LPGAT1: variants seen among roughly 807,000 people sequenced by gnomAD.
LPGAT1 encodes acyl-CoA:lysophosphatidylglycerol acyltransferase 1.
A neutral mutation model predicts 47.5 loss-of-function variants in LPGAT1; 11 were observed. That is an observed-to-expected ratio of 0.23 (90% CI 0.15 to 0.38). The LOEUF (loss-of-function observed/expected upper bound fraction) is 0.38. Ranked by LOEUF, LPGAT1 falls within the 10% of genes least tolerant of loss-of-function variation. LPGAT1 has a pLI of 1.00. For missense variants in LPGAT1, 293 were observed against 439.0 expected (o/e 0.67, Z 2.97); for synonymous variants, 138 against 144.2 (o/e 0.96, Z 0.31).
chr1:211,767,295 T>A (rs1163363691), intron 6 of LPGAT1, among the ~76,000 whole-genome samples: 1 of 152,148 alleles, frequency 6.6e-6, no homozygotes, highest in Non-Finnish European at 1.5e-5. Context: ...CATGTCACCA[T>A]GCCCAGCTAA....
At chr1:211,750,616 CATT>C (rs1657138124) in intron 7 of LPGAT1, among the ~76,000 whole-genome samples, 1 of 152,102 alleles carries the variant, frequency 6.6e-6, no homozygotes, top group Non-Finnish European at 1.5e-5. Context: ...ATAACACTGA[CATT>C]ATTTTTAAAA....
At chr1:211,782,377 G>A (rs73086199) in intron 5 of LPGAT1, among the ~76,000 whole-genome samples, 3,679 of 152,236 alleles carry the variant, frequency 0.024, 146 homozygotes, top group African/African-American at 0.083. Flanking sequence ...GAATAACTGA[G>A]TCATTTATTA....
At chr1:211,819,860 C>T (rs1353385475) in intron 2 of LPGAT1, among the ~76,000 whole-genome samples, 2 of 152,164 alleles carry the variant, frequency 1.3e-5, no homozygotes, top group Middle Eastern at 3.4e-3. Flanking sequence ...TGGCAGACGC[C>T]TGTACTGCCA....
chr1:211,829,439 G>T (rs1660648475), intron 1 of LPGAT1, 116 bp from the exon 2 acceptor site: 8 of 1,476,938 alleles, frequency 5.4e-6, no homozygotes, highest in South Asian at 4.2e-5. Flanking sequence ...GAAGCTTTCC[G>T]GGTGTAGTAC....
chr1:211,773,453 C>T (rs1658259950), intron 6 of LPGAT1, among the ~76,000 whole-genome samples: 1 of 152,124 alleles, frequency 6.6e-6, no homozygotes, highest in African/African-American at 2.4e-5. Flanking sequence ...TGCCTTCTCC[C>T]AAGTAACCAA....
At chr1:211,785,302 G>A (rs762890829) in intron 4 of LPGAT1, among the ~76,000 whole-genome samples, 1 of 152,106 alleles carries the variant, frequency 6.6e-6, no homozygotes, top group Non-Finnish European at 1.5e-5. Context: ...AAGATTATAC[G>A]TAAAATATTT....
intron 6 of LPGAT1, among the ~76,000 whole-genome samples, chr1:211,778,508 C>T (rs1658508803): frequency 6.6e-6 from 1 of 152,164 alleles, no homozygotes; most frequent in Admixed American, 6.5e-5. Context: ...TCCTAATAAA[C>T]TTGCTTTCAC....
chr1:211,809,481 G>A (rs775301785), intron 2 of LPGAT1, among the ~76,000 whole-genome samples: 39 of 151,964 alleles, frequency 2.6e-4, no homozygotes, highest in Non-Finnish European at 2.4e-4. Context: ...TAGCAGTATC[G>A]GCCTTAGATT....
At chr1:211,762,268 G>C (rs188478645) in intron 6 of LPGAT1, among the ~76,000 whole-genome samples, 1 of 152,290 alleles carries the variant, frequency 6.6e-6, no homozygotes, top group East Asian at 1.9e-4. Flanking sequence ...GAATTAAACC[G>C]AGGAAGTTTG....
chr1:211,781,705 G>C (rs1658651447), intron 5 of LPGAT1, among the ~76,000 whole-genome samples: 1 of 152,104 alleles, frequency 6.6e-6, no homozygotes, highest in South Asian at 2.1e-4. Flanking sequence ...TTTATTTAAA[G>C]AATATGAATA....
In LPGAT1 at chr1:211,782,218, T is replaced by C. The variant is rs1343826433; in HGVS notation, c.727+1011A>G. On this transcript the variant is annotated intron_variant, in intron 5 of 7. Coordinates refer to ENST00000366997, the MANE Select transcript of LPGAT1 (RefSeq NM_014873.3). Reference sequence around the variant, plus strand: ...GTAACAGCTGTGTTGTATTCCGTTGTATGGATATTTGATAATTACTAATCC... The same window carrying C: ...GTAACAGCTGTGTTGTATTCCGTTGCATGGATATTTGATAATTACTAATCC... Among the ~76,000 whole-genome samples, 10 of 152,374 alleles carry C rather than the reference T, an allele frequency of 6.6e-5. No individual in the cohort carries two copies. The East Asian group carries it at 1.3e-3, about 21-fold the overall frequency.
intron 6 of LPGAT1, among the ~76,000 whole-genome samples, chr1:211,776,798 G>A (rs898147565): frequency 6.7e-6 from 1 of 150,142 alleles, no homozygotes; most frequent in African/African-American, 2.4e-5. Context: ...CCCCATAGGT[G>A]AAGATAAGGA....
intron 2 of LPGAT1, among the ~76,000 whole-genome samples, chr1:211,809,581 G>T (rs1164242615): frequency 6.6e-6 from 1 of 152,136 alleles, no homozygotes; most frequent in East Asian, 1.9e-4. Context: ...GACCTGGTGG[G>T]AGGTAATTGA....
chr1:211,800,051 T>C (rs1423962463), intron 2 of LPGAT1, among the ~76,000 whole-genome samples: 9 of 152,054 alleles, frequency 5.9e-5, no homozygotes. Flanking sequence ...ATTATTATTA[T>C]TGAGACAGAG....
chr1:211,774,922 C>T (rs1233661503), intron 6 of LPGAT1, among the ~76,000 whole-genome samples: 3 of 152,102 alleles, frequency 2.0e-5, no homozygotes, highest in East Asian at 3.9e-4. Flanking sequence ...CATTCTGCTC[C>T]ACATTCTGGC....
chr1:211,790,698 CTAACT>C (rs1252759345), intron 3 of LPGAT1, among the ~76,000 whole-genome samples: 6 of 152,070 alleles, frequency 3.9e-5, no homozygotes, highest in Non-Finnish European at 5.9e-5. Flanking sequence ...CCTAGCCTAA[CTAACT>C]TAAATATTTT....
chr1:211,762,288 GT>G (rs1481687684), intron 6 of LPGAT1, among the ~76,000 whole-genome samples: 3 of 152,216 alleles, frequency 2.0e-5, no homozygotes, highest in Non-Finnish European at 4.4e-5. Context: ...GGGTTTACCA[GT>G]TGAATTCACA....
intron 4 of LPGAT1, among the ~76,000 whole-genome samples, chr1:211,783,840 G>C (rs1658737456): frequency 6.6e-6 from 1 of 152,234 alleles, no homozygotes; most frequent in Admixed American, 6.5e-5. Context: ...GAAATAAAGA[G>C]ACTTTCATGG....
At chr1:211,818,721 G>C (rs1169757641) in intron 2 of LPGAT1, among the ~76,000 whole-genome samples, 2 of 152,188 alleles carry the variant, frequency 1.3e-5, no homozygotes, top group Admixed American at 6.5e-5. Context: ...CCAGACCCTA[G>C]AGCTTTACTG....
Sources: allele counts gnomAD v4.1 joint callset (sites outside exome capture counted in the v4.1 genomes callset), GRCh38; gene constraint gnomAD v4.1.1; transcripts MANE v1.5; gene names NCBI Gene and HGNC (gene_info 2026-07-23, HGNC 2026-07-21).